The following SEC31B variants were observed in gnomAD, a reference collection of about 807,000 sequenced individuals.
The protein encoded by SEC31B is SEC31 homolog B, COPII component.
SEC31B carries 113 observed loss-of-function variants against 135.0 expected under a neutral mutation model. The observed-to-expected ratio is 0.84, with a 90% CI of 0.72 to 0.98. SEC31B has a LOEUF of 0.98. SEC31B is among the 50% of genes least tolerant of loss of function. SEC31B has a pLI of 0.00. For missense variants in SEC31B, 1,296 were observed against 1,421.1 expected (o/e 0.91, Z 1.42); for synonymous variants, 508 against 549.4 (o/e 0.92, Z 1.05).
chr10:100,516,815 C>G, intron 2 of SEC31B, 59 bp downstream of exon 2: 1 of 1,239,786 alleles, frequency 8.1e-7, no homozygotes. Context: ...ATTCTAGATA[C>G]TAAGTTTCCC....
chr10:100,506,897 C>G (rs1312194011), intron 7 of SEC31B, among the ~76,000 whole-genome samples: 1 of 152,054 alleles, frequency 6.6e-6, no homozygotes, highest in African/African-American at 2.4e-5. Context: ...CCCAGGAGAT[C>G]GAGGTCACAG....
rs750222061 is a variant in SEC31B, at chr10:100,488,031, C to T, written c.3356G>A (p.Gly1119Glu). The change falls in exon 25 of 26, where the codon GGG becomes GAG. Residue 1119 changes from glycine to glutamate, a missense_variant. Transcript: ENST00000370345. ...AGCACAGCTAGCTGTACTTACTGTC[C>T]CCTCACAGAGCTTCTCATATAGATA... ...LEYLYEKLCE[G>E]TLSPHVVAGL... is the part of the protein sequence containing the mutation. 1.1e-4 allele frequency: 180 copies of T among 1,613,778 alleles called. 3 individuals carry two copies. The South Asian group carries it at 1.9e-3, about 17-fold the overall frequency.
At chr10:100,496,498 G>C in intron 17 of SEC31B, 67 bp from the exon 18 acceptor site, 1 of 1,535,574 alleles carries the variant, frequency 6.5e-7, no homozygotes, top group Non-Finnish European at 8.9e-7. Context: ...AGTCCACGCA[G>C]CTCATTCAGG....
chr10:100,490,254 T>G lies in SEC31B; in HGVS notation c.2719A>C (p.Thr907Pro), dbSNP rs771556782. The G allele has an allele frequency of 2.0e-5, 32 of 1,613,740 alleles. No individual in the cohort carries two copies. Among genetic ancestry groups the G allele is most frequent in the East Asian group, 8.9e-5 (4 of 44,892 alleles). Residue 907 changes from threonine to proline, a missense_variant, in exon 21 of 26, where the codon ACA (threonine) becomes CCA (proline). Coordinates refer to ENST00000370345, the MANE Select transcript of SEC31B (RefSeq NM_015490.4). ...QVPNPVGFPG[T>P]WPLPGSPLPM... ...AGAGGGGAACCAGGAAGAGGCCATG[T>G]CCCAGGGAATCCCACCGGGTTAGGA...
rs1221159008 is a variant in SEC31B at position 100,489,756 on chromosome 10, G to A, written c.2971C>T (p.Gln991Ter). 1 of 1,614,096 alleles carries A rather than the reference G, an allele frequency of 6.2e-7. No individual in the cohort carries two copies. Among genetic ancestry groups the A allele is most frequent in the Admixed American group, 1.7e-5 (1 of 60,022 alleles). Residue 991 changes from glutamine to a stop codon, truncating the protein, a stop_gained, in exon 22 of 26, where the codon CAA becomes TAA. Coordinates refer to ENST00000370345, the MANE Select transcript of SEC31B (RefSeq NM_015490.4). LOFTEE classifies it high-confidence loss of function. Reference protein sequence around the residue: ...TGILTPHPGPQDSWKEAPAPR... With the variant: ...TGILTPHPGP ...GCTGGGGCTTCTTTCCAGGAATCTT[G>A]AGGTCCTATAGAATAAAAAGATAGA...
In SEC31B at chr10:100,508,008, G is replaced by A. The variant is rs1286834674; in HGVS notation, c.539C>T (p.Ala180Val). Reference sequence around the variant, plus strand: ...GTGAGCAGAAGACAGAATGTGTTGGGCTTGCCGGTTCCAAGACAGTGCCTT... The same window carrying A: ...GTGAGCAGAAGACAGAATGTGTTGGACTTGCCGGTTCCAAGACAGTGCCTT... ...DIKALSWNRQ[A>V]QHILSSAHPS... The change falls in exon 6 of 26, where the codon GCC becomes GTC. Residue 180 changes from alanine to valine, a missense_variant. Ala to Val is a moderately conservative substitution (Grantham distance 64, BLOSUM62 0). Coordinates refer to ENST00000370345, the MANE Select transcript of SEC31B (RefSeq NM_015490.4). 2 of 1,614,194 alleles carry A rather than the reference G, an allele frequency of 1.2e-6. No individual in the cohort carries two copies. Among genetic ancestry groups the A allele is most frequent in the African/African-American group, 1.3e-5 (1 of 75,050 alleles).
chr10:100,506,800 A>C (rs182412306), intron 7 of SEC31B, among the ~76,000 whole-genome samples: 2 of 152,262 alleles, frequency 1.3e-5, no homozygotes, highest in African/African-American at 2.4e-5. Flanking sequence ...AGACCTAACC[A>C]TCTAAAGTCC....
intron 1 of SEC31B, among the ~76,000 whole-genome samples, chr10:100,517,408 C>T (rs1344049647): frequency 6.6e-6 from 1 of 152,234 alleles, no homozygotes; most frequent in East Asian, 1.9e-4. Flanking sequence ...GTCACCCAGG[C>T]TGGAGTGCAG....
chr10:100,495,190 C>G, intron 19 of SEC31B, 195 bp downstream of exon 19: 1 of 601,318 alleles, frequency 1.7e-6, no homozygotes, highest in Non-Finnish European at 2.9e-6. Flanking sequence ...GGGCAAGTAT[C>G]ACAATTTTTG....
Position 100,506,118 on chromosome 10 carries a change from G to T in SEC31B, c.966C>A (p.Ala322=), listed in dbSNP as rs199976378. 23 of 1,614,234 alleles carry T rather than the reference G, an allele frequency of 1.4e-5. No individual in the cohort carries two copies. The East Asian group carries it at 5.1e-4, about 36-fold the overall frequency. Residue 322 remains alanine, a synonymous_variant, in exon 9 of 26, where the codon GCC becomes GCA. Coordinates refer to ENST00000370345, the MANE Select transcript of SEC31B (RefSeq NM_015490.4). ...CPRDPSVFSA[A]SFNGWISLYS... The stretch of plus-strand genomic sequence containing the variant: ...ACAAACTGATCCAGCCGTTGAAGGA[G>T]GCAGCAGAGAACACTGAAGGGTCCC...
chr10:100,512,864 T>C (rs941448184), intron 3 of SEC31B, among the ~76,000 whole-genome samples: 1 of 152,264 alleles, frequency 6.6e-6, no homozygotes, highest in African/African-American at 2.4e-5. Flanking sequence ...CTCTTCTTTA[T>C]ACATAAGTGA....
chr10:100,506,737 T>G (rs1400564449), intron 7 of SEC31B, among the ~76,000 whole-genome samples: 1 of 152,176 alleles, frequency 6.6e-6, no homozygotes, highest in Non-Finnish European at 1.5e-5. Flanking sequence ...TGAATCAGTA[T>G]GAATCACACA....
chr10:100,518,500 G>A (rs1302350298), intron 1 of SEC31B, among the ~76,000 whole-genome samples: 2 of 152,146 alleles, frequency 1.3e-5, no homozygotes, highest in Non-Finnish European at 2.9e-5. Flanking sequence ...CAAGCTCCAT[G>A]AGAGCTGACA....
rs546001180 is a variant in SEC31B at position 100,495,407 on chromosome 10, A to C, written c.2450T>G (p.Leu817Trp). The change falls in exon 19 of 26, where the codon TTG (leucine) becomes TGG (tryptophan). Residue 817 changes from leucine to tryptophan, a missense_variant. Transcript: ENST00000370345. ...TACCTGGTGAGAAGGCTGGGATCCC[A>C]ATCTGTAAGATGATGTCTCTTTAGA... is the stretch of plus-strand genomic sequence containing the variant. ...LHSKETSSYR[L>W]GSQPSHQVPT... 2.5e-6 allele frequency: 4 copies of C among 1,613,996 alleles called. No individual in the cohort carries two copies. In the African/African-American group the frequency reaches 5.3e-5, roughly 22 times the overall value.
rs535568256 is a variant in SEC31B at position 100,503,954 on chromosome 10, C to T, written c.1179+1407G>A. Among the ~76,000 whole-genome samples the T allele has an allele frequency of 7.5e-5, 11 of 147,060 alleles. No homozygotes were observed. The East Asian group carries it at 8.2e-4, about 11-fold the overall frequency. On this transcript the variant is annotated intron_variant, in intron 10 of 25. Transcript: ENST00000370345. Reference sequence around the variant, plus strand: ...TCTCCCAGTCAGAATTCTTATTTACCGTGACTTCTGCAGCACAAAATCTAC... The same window carrying T: ...TCTCCCAGTCAGAATTCTTATTTACTGTGACTTCTGCAGCACAAAATCTAC...
At chr10:100,519,551 C>T (rs1013885255) in intron 1 of SEC31B, among the ~76,000 whole-genome samples, 1 of 152,252 alleles carries the variant, frequency 6.6e-6, no homozygotes, top group Non-Finnish European at 1.5e-5. Flanking sequence ...AACAGGGAGA[C>T]CCTCATCCGG....
At position 100,505,326 on chromosome 10, in the gene SEC31B, A is replaced by AC. The variant is rs756517601; in HGVS notation, c.1179+34_1179+35insG. 41 of 1,602,524 alleles carry AC rather than the reference A, an allele frequency of 2.6e-5. No individual in the cohort carries two copies. In the Middle Eastern group the frequency reaches 5.0e-4, roughly 19 times the overall value. On this transcript the variant is annotated intron_variant, in intron 10 of 25. Transcript: ENST00000370345. ...CACACACACACACACACACACACAC[A>AC]AACACACACACACCTATACATCCAC...
chr10:100,519,316 G>A (rs1417887285), intron 1 of SEC31B, among the ~76,000 whole-genome samples: 1 of 152,258 alleles, frequency 6.6e-6, no homozygotes, highest in Non-Finnish European at 1.5e-5. Flanking sequence ...GATGACCAAT[G>A]AAATGCTCGA....
chr10:100,513,454 C>G (rs1325523480), intron 3 of SEC31B, among the ~76,000 whole-genome samples: 5 of 152,042 alleles, frequency 3.3e-5, no homozygotes, highest in Non-Finnish European at 7.4e-5. Context: ...TGTTTGGTAA[C>G]CCAGAAGTTT....
Sources: gnomAD v4.1 joint callset for allele counts (sites outside exome capture counted in the v4.1 genomes callset) on GRCh38, gnomAD v4.1.1 for gene constraint, MANE v1.5 for transcripts, NCBI Gene and HGNC (gene_info 2026-07-23, HGNC 2026-07-21) for gene names.